The following ACYP2 variants were observed in gnomAD, a reference collection of about 807,000 sequenced individuals.
The protein encoded by ACYP2 is acylphosphatase-2.
A neutral mutation model predicts 11.2 loss-of-function variants in ACYP2; 12 were observed. That is an observed-to-expected ratio of 1.08 (90% CI 0.69 to 1.74). The LOEUF is 1.74. Ranked by LOEUF, ACYP2 falls within the 40% of genes most tolerant of loss-of-function variation. The probability of loss-of-function intolerance (pLI) is 0.00; values close to 1 mark genes in which losing one functional copy is unlikely to be tolerated. For missense variants in ACYP2, 134 were observed against 101.9 expected (o/e 1.31, Z -1.35); for synonymous variants, 43 against 32.2 (o/e 1.33, Z -1.13).
At chr2:54,125,974 G>A (rs1328951963) in intron 4 of ACYP2, among the ~76,000 whole-genome samples, 2 of 150,354 alleles carry the variant, frequency 1.3e-5, no homozygotes, top group Non-Finnish European at 3.0e-5. Context: ...CCAGCTACTC[G>A]GGAGGTTGAG....
chr2:54,065,402 A>T, intron 4 of ACYP2: 1 of 398,420 alleles, frequency 2.5e-6, no homozygotes, highest in African/African-American at 2.1e-5. Flanking sequence ...CTATGCTTTT[A>T]TATACATACA....
chr2:53,984,020 G>T (rs143201559), intron 2 of ACYP2, among the ~76,000 whole-genome samples: 3 of 152,228 alleles, frequency 2.0e-5, no homozygotes, highest in African/African-American at 7.2e-5. Context: ...TGAGGTAGGG[G>T]CATGACACAA....
At chr2:54,292,027 G>A (rs1046179461) in intron 6 of ACYP2, among the ~76,000 whole-genome samples, 1 of 152,056 alleles carries the variant, frequency 6.6e-6, no homozygotes, top group Non-Finnish European at 1.5e-5. Flanking sequence ...AGATAGTTTT[G>A]TTTTTTACTT....
chr2:54,189,695 GC>G (rs1192817355), intron 6 of ACYP2, among the ~76,000 whole-genome samples: 1 of 152,048 alleles, frequency 6.6e-6, no homozygotes, highest in Non-Finnish European at 1.5e-5. Flanking sequence ...TTACAAGGTG[GC>G]AAATTCATTT....
At chr2:54,009,166 A>T (rs13413264) in intron 2 of ACYP2, among the ~76,000 whole-genome samples, 55,007 of 151,230 alleles carry the variant, frequency 0.36, 10,229 homozygotes, top group South Asian at 0.53. Flanking sequence ...AAAAAAAAAA[A>T]TTCAGACAGC....
chr2:54,212,827 TA>T (rs34753426), intron 6 of ACYP2, among the ~76,000 whole-genome samples: 36,489 of 152,098 alleles, frequency 0.24, 4,554 homozygotes, highest in East Asian at 0.39. Context: ...TCAAAAAGTT[TA>T]ATGTAAAGAA....
At chr2:54,115,872 C>T (rs1679748693) in intron 4 of ACYP2, 116 bp downstream of exon 1, 1 of 1,316,692 alleles carries the variant, frequency 7.6e-7, no homozygotes, top group East Asian at 3.0e-5. Context: ...GGGACTTCCG[C>T]TCCGCCATGA....
At chr2:54,052,772 C>G (rs540230997) in intron 3 of ACYP2, among the ~76,000 whole-genome samples, 5 of 152,260 alleles carry the variant, frequency 3.3e-5, no homozygotes, top group African/African-American at 1.2e-4. Flanking sequence ...TGGAAGGGCT[C>G]TGTTAGAAAA....
At chr2:54,289,317 GATTT>G (rs1689205932) in intron 6 of ACYP2, among the ~76,000 whole-genome samples, 1 of 151,794 alleles carries the variant, frequency 6.6e-6, no homozygotes, top group African/African-American at 2.4e-5. Context: ...TAATAACTTA[GATTT>G]ATTTATGAAA....
At chr2:54,019,481 A>G (rs779434124) in intron 2 of ACYP2, among the ~76,000 whole-genome samples, 11 of 151,620 alleles carry the variant, frequency 7.3e-5, no homozygotes, top group African/African-American at 2.4e-4. Context: ...GGCTCAAGCA[A>G]TCCTCCAGCC....
chr2:54,117,349 G>A (rs1458203449), intron 4 of ACYP2, among the ~76,000 whole-genome samples: 1 of 152,126 alleles, frequency 6.6e-6, no homozygotes, highest in African/African-American at 2.4e-5. Context: ...TGGAGCAAGT[G>A]CAATGGCACA....
At chr2:54,178,512 T>G (rs1683571705) in intron 6 of ACYP2, among the ~76,000 whole-genome samples, 1 of 152,206 alleles carries the variant, frequency 6.6e-6, no homozygotes, top group African/African-American at 2.4e-5. Flanking sequence ...CCCACCACAT[T>G]AAGATCCCCA....
chr2:54,166,343 A>C (rs1265587164), intron 6 of ACYP2, among the ~76,000 whole-genome samples: 1 of 152,216 alleles, frequency 6.6e-6, no homozygotes, highest in African/African-American at 2.4e-5. Context: ...TACAAAGATG[A>C]GTAATACAGT....
chr2:54,232,157 G>A (rs1354157741), intron 6 of ACYP2, among the ~76,000 whole-genome samples: 8 of 152,066 alleles, frequency 5.3e-5, no homozygotes, highest in Admixed American at 4.6e-4. Context: ...ATACACAACT[G>A]GATAATTCTT....
intron 6 of ACYP2, among the ~76,000 whole-genome samples, chr2:54,168,072 C>T (rs932234194): frequency 2.0e-5 from 3 of 152,240 alleles, no homozygotes; most frequent in Middle Eastern, 3.4e-3. Flanking sequence ...TTTCTCAAAA[C>T]TGTTTTGTCA....
At chr2:54,045,919 CCAGCA>C (rs1313943092) in intron 2 of ACYP2, among the ~76,000 whole-genome samples, 4 of 152,122 alleles carry the variant, frequency 2.6e-5, no homozygotes, top group African/African-American at 9.6e-5. Flanking sequence ...GCCTGTAATC[CCAGCA>C]CTTTGGGAGG....
At chr2:54,115,644 A>T in intron 4 of ACYP2, 1 of 1,587,264 alleles carries the variant, frequency 6.3e-7, no homozygotes, top group Non-Finnish European at 8.6e-7. Flanking sequence ...CAGCCGCCGC[A>T]GTCGCTGCGC....
chr2:53,989,966 C>G (rs1193643125), intron 2 of ACYP2, among the ~76,000 whole-genome samples: 1 of 92,274 alleles, frequency 1.1e-5, no homozygotes, highest in Admixed American at 1.1e-4. Context: ...TACATAAACC[C>G]TTTTCTTTTC....
intron 6 of ACYP2, among the ~76,000 whole-genome samples, chr2:54,272,614 G>A (rs1340960306): frequency 6.6e-6 from 1 of 152,204 alleles, no homozygotes; most frequent in Non-Finnish European, 1.5e-5. Flanking sequence ...TCTTTCCATT[G>A]TACCAATGAT....
Sources: allele counts gnomAD v4.1 joint callset (sites outside exome capture counted in the v4.1 genomes callset), GRCh38; gene constraint gnomAD v4.1.1; transcripts MANE v1.5; gene names NCBI Gene and HGNC (gene_info 2026-07-23, HGNC 2026-07-21).